The following DNAH14 variants were observed in gnomAD, a reference collection of about 807,000 sequenced individuals.
DNAH14 encodes axonemal beta dynein heavy chain 14.
In DNAH14, 478 loss-of-function variants were observed where a neutral mutation model predicts 520.9. The ratio of observed to expected loss-of-function variants is 0.92; its 90% CI spans 0.85 to 0.99. The LOEUF is 0.99. Among genes scored for constraint, DNAH14 ranks in the 50% least tolerant of loss-of-function variants. The pLI, the probability that DNAH14 is intolerant of heterozygous loss-of-function variation, is 0.00. For synonymous variants in DNAH14, 1,581 were observed against 1,757.2 expected, an observed-to-expected ratio of 0.90 and a Z score of 2.51; for missense variants, 4,831 against 5,234.5, an observed-to-expected ratio of 0.92 and a Z score of 2.38.
chr1:225,364,988 A>G lies in DNAH14; in HGVS notation c.12090+94A>G, dbSNP rs139788837. The G allele has an allele frequency of 1.7e-4, 153 of 915,364 alleles. No individual in the cohort carries two copies. The East Asian group carries it at 2.9e-3, about 18-fold the overall frequency. The allele number at this position is 915,364 out of a possible 1,614,324, so 56.7% of individuals were successfully genotyped here. ...TCAAAACTCTGAGTTTAAAAGAGAAAGCTAATTCTGATAAATTCTGAAATG... is the reference window on the plus strand; with the variant it reads ...TCAAAACTCTGAGTTTAAAAGAGAAGGCTAATTCTGATAAATTCTGAAATG... On this transcript the variant is annotated intron_variant, in intron 76 of 85. Coordinates refer to ENST00000682510, the MANE Select transcript of DNAH14 (RefSeq NM_001367479.1).
At chr1:225,393,108 C>T (rs1017652887) in intron 84 of DNAH14, among the ~76,000 whole-genome samples, 6 of 152,124 alleles carry the variant, frequency 3.9e-5, no homozygotes, top group Non-Finnish European at 8.8e-5. Flanking sequence ...GGTTGGGAGA[C>T]ATTGGTTTAA....
Position 225,290,063 on chromosome 1 carries a change from C to T in DNAH14, c.8450C>T (p.Pro2817Leu). 1 of 1,473,950 alleles carries T rather than the reference C, an allele frequency of 6.8e-7. No individual in the cohort carries two copies. The highest frequency in any genetic ancestry group is 9.0e-7 in the Non-Finnish European group (1 of 1,105,898). 91.3% of individuals were successfully genotyped at this position (1,473,950 alleles called of 1,614,324 possible). ...LKGKPTVLMVPNLNIEQDSFL... is the reference protein window; with the variant it reads ...LKGKPTVLMVLNLNIEQDSFL... Reference sequence around the variant, plus strand: ...GGGAAACCCACTGTTCTGATGGTTCCCAATTTAAACATAGAACAAGTAAGT... The same window carrying T: ...GGGAAACCCACTGTTCTGATGGTTCTCAATTTAAACATAGAACAAGTAAGT... The change falls in exon 55 of 86, where the codon CCC becomes CTC. Residue 2817 changes from proline to leucine, a missense_variant. Pro to Leu is a moderately conservative substitution (Grantham distance 98, BLOSUM62 -3). Coordinates refer to ENST00000682510, the MANE Select transcript of DNAH14 (RefSeq NM_001367479.1).
rs147173458 is a variant in DNAH14, at chr1:225,172,872, C to T, written c.5535+4844C>T. The stretch of plus-strand genomic sequence containing the variant: ...GACTTCAAACTATACTACAAGGCTA[C>T]CATAACCAAAGCAGCATGGTACTGG... On this transcript the variant is annotated intron_variant, in intron 36 of 85. Coordinates refer to ENST00000682510, the MANE Select transcript of DNAH14 (RefSeq NM_001367479.1). Among the ~76,000 whole-genome samples the T allele has an allele frequency of 3.5e-3, 538 of 152,250 alleles. 4 individuals are homozygous for T. Among genetic ancestry groups the T allele is most frequent in the African/African-American group, 0.012 (519 of 41,554 alleles).
chr1:225,050,100 T>C (rs2068396731), intron 15 of DNAH14, 110 bp from the exon 16 acceptor site: 4 of 893,406 alleles, frequency 4.5e-6, no homozygotes, highest in Non-Finnish European at 6.5e-6. Context: ...TGTCTAACCC[T>C]CATAATAAAT....
At chr1:225,158,165 CAT>C (rs1406205799) in intron 34 of DNAH14, among the ~76,000 whole-genome samples, 1 of 151,892 alleles carries the variant, frequency 6.6e-6, no homozygotes, top group South Asian at 2.1e-4. Flanking sequence ...CTTTTGATTA[CAT>C]GTTTAATATA....
chr1:224,987,561 G>T (rs1052694525), intron 8 of DNAH14, among the ~76,000 whole-genome samples: 2 of 152,204 alleles, frequency 1.3e-5, no homozygotes, highest in Non-Finnish European at 2.9e-5. Flanking sequence ...TTCCATGGAA[G>T]AAGGTAGAAG....
intron 1 of DNAH14, among the ~76,000 whole-genome samples, chr1:224,943,756 A>AT (rs2059594566): frequency 6.6e-6 from 1 of 152,016 alleles, no homozygotes; most frequent in Non-Finnish European, 1.5e-5. Flanking sequence ...TTATGTACCC[A>AT]GTAGTCATTC....
chr1:225,206,893 AAG>A, intron 40 of DNAH14, 73 bp from the exon 41 acceptor site: 1 of 1,281,338 alleles, frequency 7.8e-7, no homozygotes, highest in Non-Finnish European at 1.0e-6. Context: ...GTGAAGTAAA[AAG>A]AGAGTAAGAT....
chr1:224,985,644 G>A (rs909369787), intron 8 of DNAH14, among the ~76,000 whole-genome samples: 3 of 151,910 alleles, frequency 2.0e-5, no homozygotes, highest in African/African-American at 2.4e-5. Flanking sequence ...GCTGTATTGA[G>A]GAAGCTCAAA....
At chr1:224,966,688 A>G (rs2061189843) in intron 5 of DNAH14, among the ~76,000 whole-genome samples, 1 of 152,034 alleles carries the variant, frequency 6.6e-6, no homozygotes, top group Non-Finnish European at 1.5e-5. Context: ...CAAAATATTC[A>G]TTTTTTAAAA....
chr1:225,140,792 T>C lies in DNAH14; in HGVS notation c.4279T>C (p.Cys1427Arg), dbSNP rs2079382978. 2 of 1,544,950 alleles carry C rather than the reference T, an allele frequency of 1.3e-6. No homozygotes were observed. Among genetic ancestry groups the C allele is most frequent in the Non-Finnish European group, 1.8e-6 (2 of 1,142,146 alleles). ...GAGCCAGATCATGTTTTATAATGATTGTGTTAAAAGTTTTGTGAGTTCTTA... is the reference window on the plus strand; with the variant it reads ...GAGCCAGATCATGTTTTATAATGATCGTGTTAAAAGTTTTGTGAGTTCTTA... ...TVSQIMFYND[C>R]VKSFVSSYSR... Residue 1427 changes from cysteine to arginine, a missense_variant, in exon 28 of 86, where the codon TGT becomes CGT. By Grantham distance (180) the Cys-to-Arg change is radical. Coordinates refer to ENST00000682510, the MANE Select transcript of DNAH14 (RefSeq NM_001367479.1).
intron 79 of DNAH14, among the ~76,000 whole-genome samples, chr1:225,379,737 C>A (rs991538987): frequency 3.9e-5 from 6 of 152,110 alleles, no homozygotes; most frequent in Non-Finnish European, 8.8e-5. Context: ...GTTGGCCAGG[C>A]TGGTCTCAAA....
rs116707460 is a variant in DNAH14 at position 225,342,825 on chromosome 1, G to A, written c.10678+2124G>A. ...GTGTTAACACTGGAACTTTTGGGGC[G>A]GGGATGCCATGGGTCCCACCCCCAC... On this transcript the variant is annotated intron_variant, in intron 69 of 85. Coordinates refer to ENST00000682510, the MANE Select transcript of DNAH14 (RefSeq NM_001367479.1). Among the ~76,000 whole-genome samples, 830 of 152,034 alleles carry A rather than the reference G, an allele frequency of 5.5e-3. 6 individuals are homozygous for A. The highest frequency in any genetic ancestry group is 0.018 in the African/African-American group (729 of 41,466).
intron 31 of DNAH14, among the ~76,000 whole-genome samples, chr1:225,151,340 G>A (rs1170954359): frequency 6.6e-6 from 1 of 151,696 alleles, no homozygotes; most frequent in Non-Finnish European, 1.5e-5. Flanking sequence ...TGGGGGTGGG[G>A]GGGTCACAGT....
chr1:225,119,354 A>G, intron 26 of DNAH14, 60 bp downstream of exon 26: 1 of 1,160,810 alleles, frequency 8.6e-7, no homozygotes. Flanking sequence ...GCACATATAT[A>G]TATACACACA....
chr1:225,046,598 AT>A (rs1558779026), intron 15 of DNAH14, among the ~76,000 whole-genome samples: 1 of 152,062 alleles, frequency 6.6e-6, no homozygotes, highest in African/African-American at 2.4e-5. Flanking sequence ...CACATTTATC[AT>A]TTTTTATTTT....
intron 42 of DNAH14, among the ~76,000 whole-genome samples, chr1:225,234,245 G>A (rs539660829): frequency 6.6e-6 from 1 of 152,158 alleles, no homozygotes; most frequent in Non-Finnish European, 1.5e-5. Flanking sequence ...CTGGAGTGCA[G>A]TGGCAGGATC....
Position 225,019,149 on chromosome 1 carries a change from C to A in DNAH14, c.1108-4466C>A, listed in dbSNP as rs532092279. On this transcript the variant is annotated intron_variant, in intron 10 of 85. Transcript: ENST00000682510. Reference sequence around the variant, plus strand: ...ACAAACTGGATAAAGAAGCAAGACCCAACTGTCTGCTGTCTCTAAGAGACC... The same window carrying A: ...ACAAACTGGATAAAGAAGCAAGACCAAACTGTCTGCTGTCTCTAAGAGACC... 3.9e-5 allele frequency among the ~76,000 whole-genome samples: 6 copies of A among 152,206 alleles called. No individual in the cohort carries two copies. In the South Asian group the frequency reaches 8.3e-4, roughly 21 times the overall value.
intron 77 of DNAH14, among the ~76,000 whole-genome samples, chr1:225,373,233 G>T (rs1397045152): frequency 1.3e-5 from 2 of 151,996 alleles, no homozygotes; most frequent in African/African-American, 4.8e-5. Flanking sequence ...GGCGCGGTGG[G>T]TAATCCCAGC....
Sources: gnomAD v4.1 joint callset for allele counts (sites outside exome capture counted in the v4.1 genomes callset) on GRCh38, gnomAD v4.1.1 for gene constraint, MANE v1.5 for transcripts, NCBI Gene and HGNC (gene_info 2026-07-23, HGNC 2026-07-21) for gene names.